Variants in DTWD2 observed in about 807,000 individuals in gnomAD.
DTWD2 encodes DTW motif tRNA-uridine aminocarboxypropyltransferase 2, also known as tRNA-uridine aminocarboxypropyltransferase 2.
Under a neutral mutation model 31.8 loss-of-function variants are expected in DTWD2, and 39 were observed. The observed-to-expected ratio is 1.22, with a 90% CI of 0.95 to 1.60. DTWD2 has a LOEUF of 1.60. Among genes scored for constraint, DTWD2 ranks in the 40% most tolerant of loss-of-function variants. The pLI, the probability that DTWD2 is intolerant of heterozygous loss-of-function variation, is 0.00. For missense variants in DTWD2, 515 were observed against 381.5 expected (o/e 1.35, Z -2.92); for synonymous variants, 180 against 142.8 (o/e 1.26, Z -1.86).
chr5:118,900,750 C>A (rs549179740), intron 4 of DTWD2, among the ~76,000 whole-genome samples: 32 of 151,886 alleles, frequency 2.1e-4, no homozygotes, highest in African/African-American at 7.5e-4. Flanking sequence ...CATGGTGAAA[C>A]CCCGTCCTAC....
chr5:118,941,146 A>G (rs571640441), intron 2 of DTWD2, among the ~76,000 whole-genome samples: 1 of 152,068 alleles, frequency 6.6e-6, no homozygotes, highest in East Asian at 1.9e-4. Flanking sequence ...GGGAGAGTCA[A>G]AAACTAGCAA....
chr5:118,893,941 G>A (rs1281576842), intron 4 of DTWD2, among the ~76,000 whole-genome samples: 2 of 151,472 alleles, frequency 1.3e-5, no homozygotes, highest in Non-Finnish European at 2.9e-5. Context: ...AAGGAGCACC[G>A]TTGGTTAACA....
At chr5:118,851,073 C>G (rs1376497591) in intron 4 of DTWD2, among the ~76,000 whole-genome samples, 1 of 151,746 alleles carries the variant, frequency 6.6e-6, no homozygotes, top group Admixed American at 6.6e-5. Context: ...ATGGTGAAAC[C>G]CAATCTCTAC....
chr5:118,881,458 A>G (rs1336974233), intron 4 of DTWD2, among the ~76,000 whole-genome samples: 1 of 152,232 alleles, frequency 6.6e-6, no homozygotes, highest in Non-Finnish European at 1.5e-5. Flanking sequence ...AGCTATCAGC[A>G]TTATTTGAAA....
At chr5:118,911,185 T>C (rs556889276) in intron 4 of DTWD2, among the ~76,000 whole-genome samples, 2 of 152,188 alleles carry the variant, frequency 1.3e-5, no homozygotes, top group South Asian at 4.1e-4. Flanking sequence ...AAAGAAGAAA[T>C]TCATGTAAGT....
chr5:118,961,270 C>G (rs1754700425), intron 1 of DTWD2, among the ~76,000 whole-genome samples: 1 of 152,088 alleles, frequency 6.6e-6, no homozygotes, highest in African/African-American at 2.4e-5. Context: ...GTTCAGTTAA[C>G]CTATTACTTA....
intron 4 of DTWD2, among the ~76,000 whole-genome samples, chr5:118,909,876 T>A (rs545440955): frequency 6.6e-6 from 1 of 152,210 alleles, no homozygotes; most frequent in Non-Finnish European, 1.5e-5. Flanking sequence ...CCTGGTTCCA[T>A]AGCATGCTAC....
intron 4 of DTWD2, among the ~76,000 whole-genome samples, chr5:118,893,023 A>AT (rs1201164229): frequency 4.6e-5 from 7 of 150,590 alleles, no homozygotes; most frequent in Non-Finnish European, 8.9e-5. Context: ...TTAAGTTAAA[A>AT]ATATATATAT....
chr5:118,964,171 T>A (rs1446657776), intron 1 of DTWD2, among the ~76,000 whole-genome samples: 1 of 148,696 alleles, frequency 6.7e-6, no homozygotes, highest in Non-Finnish European at 1.5e-5. Flanking sequence ...TGAGCCGAGA[T>A]TGCACCACTA....
At chr5:118,986,989 T>C (rs1755441964) in intron 1 of DTWD2, among the ~76,000 whole-genome samples, 1 of 152,204 alleles carries the variant, frequency 6.6e-6, no homozygotes, top group African/African-American at 2.4e-5. Flanking sequence ...AAGCCATTTT[T>C]TTAAAAAAGC....
intron 4 of DTWD2, among the ~76,000 whole-genome samples, chr5:118,856,970 T>A (rs1040751287): frequency 2.6e-5 from 4 of 151,196 alleles, no homozygotes; most frequent in African/African-American, 9.7e-5. Context: ...AGAGACGGGG[T>A]TTCAACATGT....
At chr5:118,913,224 T>C (rs890477807) in intron 4 of DTWD2, among the ~76,000 whole-genome samples, 4 of 151,910 alleles carry the variant, frequency 2.6e-5, no homozygotes, top group African/African-American at 9.7e-5. Flanking sequence ...GCCAGGGACA[T>C]GGCTCATTAG....
At chr5:118,957,441 C>A (rs929494073) in intron 1 of DTWD2, among the ~76,000 whole-genome samples, 1 of 151,932 alleles carries the variant, frequency 6.6e-6, no homozygotes, top group Non-Finnish European at 1.5e-5. Context: ...AGGTTGGTCT[C>A]GAACTCCTGA....
chr5:118,885,496 T>G (rs1419629507), intron 4 of DTWD2, among the ~76,000 whole-genome samples: 1 of 140,756 alleles, frequency 7.1e-6, no homozygotes, highest in East Asian at 2.1e-4. Context: ...CCAGGCGCAG[T>G]GGCTCACACC....
intron 4 of DTWD2, among the ~76,000 whole-genome samples, chr5:118,851,218 C>CA (rs35541408): frequency 0.31 from 25,670 of 81,530 alleles, 3,190 homozygotes; most frequent in East Asian, 0.46. Context: ...GACCCTATCT[C>CA]AAAAAAAAAA....
At chr5:118,958,709 A>G (rs766305772) in intron 1 of DTWD2, among the ~76,000 whole-genome samples, 3 of 152,148 alleles carry the variant, frequency 2.0e-5, no homozygotes, top group Admixed American at 1.3e-4. Context: ...AAAAAAAATT[A>G]GCAAACCGAA....
At chr5:118,970,055 A>G (rs1754949377) in intron 1 of DTWD2, among the ~76,000 whole-genome samples, 1 of 152,202 alleles carries the variant, frequency 6.6e-6, no homozygotes, top group Non-Finnish European at 1.5e-5. Context: ...ATCAACAGCA[A>G]AATAGACCAA....
At chr5:118,943,381 C>T (rs1054669657) in intron 2 of DTWD2, among the ~76,000 whole-genome samples, 1 of 152,042 alleles carries the variant, frequency 6.6e-6, no homozygotes, top group Admixed American at 6.6e-5. Context: ...GAAACCCCGT[C>T]TCTACTAAAA....
rs1561484476 is a variant in DTWD2, at chr5:118,988,395, C to T, written c.117G>A (p.Ala39=). 1.3e-6 allele frequency: 2 copies of T among 1,594,330 alleles called. No individual in the cohort carries two copies. The highest frequency in any genetic ancestry group is 1.7e-6 in the Non-Finnish European group (2 of 1,172,836). Residue 39 remains alanine (A), a synonymous_variant, in exon 1 of 6, where the codon GCG becomes GCA. Transcript: ENST00000510708. Reference sequence around the variant, plus strand: ...CCGCCTCTGCGCCCAGGGCAGCCGCCGCCGGCACTGCGCCGCCCTCCCGCC... The same window carrying T: ...CCGCCTCTGCGCCCAGGGCAGCCGCTGCCGGCACTGCGCCGCCCTCCCGCC... ...KERREGGAVP[A]AAALGAEADD... is the part of the protein sequence containing the mutation.
Sources: allele counts gnomAD v4.1 joint callset (sites outside exome capture counted in the v4.1 genomes callset), GRCh38; gene constraint gnomAD v4.1.1; transcripts MANE v1.5; gene names NCBI Gene and HGNC (gene_info 2026-07-23, HGNC 2026-07-21).